NKAIN2: variants seen among roughly 807,000 people sequenced by gnomAD.
NKAIN2 encodes sodium/potassium transporting ATPase interacting 2, also known as sodium/potassium-transporting ATPase subunit beta-1-interacting protein 2.
In NKAIN2, 14 loss-of-function variants were observed where a neutral mutation model predicts 32.6. That is an observed-to-expected ratio of 0.43 (90% CI 0.28 to 0.67). The LOEUF is 0.67. NKAIN2 is among the 30% of genes least tolerant of loss of function. NKAIN2 has a pLI of 0.17. For missense variants in NKAIN2, 198 were observed against 258.3 expected (o/e 0.77, Z 1.60); for synonymous variants, 80 against 87.2 (o/e 0.92, Z 0.46).
At chr6:124,617,575 A>G (rs1782954943) in intron 3 of NKAIN2, among the ~76,000 whole-genome samples, 1 of 152,152 alleles carries the variant, frequency 6.6e-6, no homozygotes, top group Non-Finnish European at 1.5e-5. Context: ...AGCTCATATT[A>G]TGGTATTTCC....
chr6:124,167,687 T>C (rs942958473), intron 1 of NKAIN2, among the ~76,000 whole-genome samples: 2 of 152,302 alleles, frequency 1.3e-5, no homozygotes, highest in East Asian at 1.9e-4. Context: ...TTTTGAGATA[T>C]GTCCCATCAG....
intron 3 of NKAIN2, among the ~76,000 whole-genome samples, chr6:124,371,693 CAAA>C (rs10679200): frequency 2.1e-5 from 2 of 95,758 alleles, no homozygotes; most frequent in Non-Finnish European, 4.1e-5. Flanking sequence ...GACTCTGTCT[CAAA>C]AAAAAAAAAA....
At position 124,003,498 on chromosome 6, in the gene NKAIN2, A is replaced by G. The variant is rs139695238; in HGVS notation, c.54+199244A>G. Among the ~76,000 whole-genome samples the G allele has an allele frequency of 2.4e-3, 365 of 152,270 alleles. 2 individuals carry two copies. Among genetic ancestry groups the G allele is most frequent in the African/African-American group, 8.3e-3 (346 of 41,558 alleles). ...GTTCAGAACTTGTTGATGGAATGCA[A>G]ATTCTTCACCAAATGCTTTTGAATG... is the stretch of plus-strand genomic sequence containing the variant. On this transcript the variant is annotated intron_variant, in intron 1 of 6. Transcript: ENST00000368417.
intron 3 of NKAIN2, among the ~76,000 whole-genome samples, chr6:124,363,839 A>G (rs1469371596): frequency 6.6e-6 from 1 of 152,174 alleles, no homozygotes; most frequent in Non-Finnish European, 1.5e-5. Context: ...TATGTGCATG[A>G]CATCAGGCAA....
chr6:123,857,215 C>A (rs1031435372), intron 1 of NKAIN2, among the ~76,000 whole-genome samples: 1 of 151,924 alleles, frequency 6.6e-6, no homozygotes, highest in Non-Finnish European at 1.5e-5. Flanking sequence ...AAATAAGAAA[C>A]CCTGTACCAG....
chr6:124,137,124 A>G (rs1198486556), intron 1 of NKAIN2, among the ~76,000 whole-genome samples: 1 of 152,090 alleles, frequency 6.6e-6, no homozygotes. Context: ...GACTCATCCA[A>G]AAGGCTTCTA....
At chr6:124,527,995 C>T (rs2114813472) in intron 3 of NKAIN2, among the ~76,000 whole-genome samples, 1 of 152,286 alleles carries the variant, frequency 6.6e-6, no homozygotes, top group Admixed American at 6.5e-5. Context: ...CAGGAACCAG[C>T]AGATGATTAA....
At chr6:124,526,211 A>T (rs2114809098) in intron 3 of NKAIN2, among the ~76,000 whole-genome samples, 1 of 152,244 alleles carries the variant, frequency 6.6e-6, no homozygotes, top group East Asian at 1.9e-4. Context: ...TGGTTCTAAG[A>T]AAGAGGTAGA....
chr6:124,740,645 G>A (rs1249333358), intron 4 of NKAIN2, among the ~76,000 whole-genome samples: 6 of 151,822 alleles, frequency 4.0e-5, no homozygotes, highest in African/African-American at 1.2e-4. Context: ...TCTATGGGAG[G>A]AACGTTCCAG....
intron 1 of NKAIN2, among the ~76,000 whole-genome samples, chr6:124,199,703 C>G (rs1295910660): frequency 6.6e-6 from 1 of 152,110 alleles, no homozygotes; most frequent in Non-Finnish European, 1.5e-5. Flanking sequence ...TGGGGTGCCA[C>G]AATCTGGATG....
intron 1 of NKAIN2, among the ~76,000 whole-genome samples, chr6:124,263,511 C>T (rs1238763129): frequency 6.6e-6 from 1 of 152,154 alleles, no homozygotes; most frequent in African/African-American, 2.4e-5. Context: ...CTCCTGTCAA[C>T]TGAAGAGATA....
intron 3 of NKAIN2, among the ~76,000 whole-genome samples, chr6:124,502,496 C>T (rs1258553829): frequency 1.3e-5 from 2 of 152,144 alleles, no homozygotes; most frequent in African/African-American, 4.8e-5. Flanking sequence ...ATATGCAAAT[C>T]TCCCATGTGC....
chr6:123,925,777 C>T (rs772606477), intron 1 of NKAIN2, among the ~76,000 whole-genome samples: 24 of 152,148 alleles, frequency 1.6e-4, no homozygotes, highest in South Asian at 6.2e-4. Context: ...CCTTAGTTTT[C>T]CTCACTGATT....
chr6:124,121,969 A>C (rs1455960260), intron 1 of NKAIN2: 1 of 865,818 alleles, frequency 1.2e-6, no homozygotes, highest in Non-Finnish European at 1.6e-6. Flanking sequence ...ATATTTTTCC[A>C]TTTGTGTCTA....
chr6:124,249,524 T>C, intron 1 of NKAIN2, among the ~76,000 whole-genome samples: 1 of 152,130 alleles, frequency 6.6e-6, no homozygotes, highest in Non-Finnish European at 1.5e-5. Flanking sequence ...TTTACTAGTA[T>C]GATGGATTAG....
At chr6:124,689,227 A>G (rs2114532659) in intron 4 of NKAIN2, among the ~76,000 whole-genome samples, 1 of 152,226 alleles carries the variant, frequency 6.6e-6, no homozygotes, top group East Asian at 1.9e-4. Context: ...CCCTGATGAC[A>G]TATGATGTTG....
intron 4 of NKAIN2, among the ~76,000 whole-genome samples, chr6:124,732,403 A>G (rs561472234): frequency 6.6e-6 from 1 of 152,166 alleles, no homozygotes; most frequent in South Asian, 2.1e-4. Context: ...GAGGCAAATA[A>G]GGACAGAAGT....
Position 123,981,678 on chromosome 6 carries a change from G to A in NKAIN2, c.54+177424G>A, listed in dbSNP as rs114397194. On this transcript the variant is annotated intron_variant, in intron 1 of 6. Coordinates refer to ENST00000368417, the MANE Select transcript of NKAIN2 (RefSeq NM_001040214.3). ...CATGCTGCTTCAAATGGCAGGAAGA[G>A]TAACATCACAGGAGGGTAAAATATT... Among the ~76,000 whole-genome samples the A allele has an allele frequency of 3.7e-3, 570 of 152,296 alleles. 4 individuals are homozygous for A. The highest frequency in any genetic ancestry group is 0.024 in the Middle Eastern group (7 of 294).
Position 123,938,431 on chromosome 6 carries a change from TATATATATATATATATATATAC to T in NKAIN2, c.54+134179_54+134200del, listed in dbSNP as rs1330391672. On this transcript the variant is annotated intron_variant, in intron 1 of 6. Transcript: ENST00000368417. ...ATATATATATATATATATATATATA[TATATATATATATATATATATAC>T]ACACACACACACACGCATATTATAC... 3.4e-3 allele frequency among the ~76,000 whole-genome samples: 142 copies of T among 41,512 alleles called. 2 individuals carry two copies. Among genetic ancestry groups the T allele is most frequent in the African/African-American group, 0.017 (110 of 6,492 alleles). 27.2% of individuals were successfully genotyped at this position (41,512 alleles called of 152,430 possible).
Sources: allele counts gnomAD v4.1 joint callset (sites outside exome capture counted in the v4.1 genomes callset), GRCh38; gene constraint gnomAD v4.1.1; transcripts MANE v1.5; gene names NCBI Gene and HGNC (gene_info 2026-07-23, HGNC 2026-07-21).